The following WDFY2 variants were observed in gnomAD, a reference collection of about 807,000 sequenced individuals.
WDFY2 encodes WD repeat and FYVE domain-containing protein 2.
WDFY2 carries 36 observed loss-of-function variants against 56.4 expected under a neutral mutation model. The observed-to-expected ratio is 0.64, with a 90% CI of 0.49 to 0.84. WDFY2 has a LOEUF of 0.84. Ranked by LOEUF, WDFY2 falls within the 40% of genes least tolerant of loss-of-function variation. The probability of loss-of-function intolerance (pLI) is 0.00; values close to 1 mark genes in which losing one functional copy is unlikely to be tolerated. For missense variants in WDFY2, 444 were observed against 512.2 expected, an observed-to-expected ratio of 0.87 and a Z score of 1.29; for synonymous variants, 176 against 183.7, an observed-to-expected ratio of 0.96 and a Z score of 0.34.
chr13:51,687,770 C>G (rs971325984), intron 3 of WDFY2, among the ~76,000 whole-genome samples: 1 of 152,204 alleles, frequency 6.6e-6, no homozygotes, highest in Admixed American at 6.5e-5. Flanking sequence ...ATAAAATGAT[C>G]TGATCACTGA....
At chr13:51,610,240 G>T (rs1346127593) in intron 1 of WDFY2, among the ~76,000 whole-genome samples, 26 of 106,864 alleles carry the variant, frequency 2.4e-4, no homozygotes, top group Non-Finnish European at 3.6e-4. Flanking sequence ...TTATTTGACT[G>T]TTTTTTTTTT....
chr13:51,609,847 C>G (rs914211943), intron 1 of WDFY2, among the ~76,000 whole-genome samples: 4 of 151,980 alleles, frequency 2.6e-5, no homozygotes, highest in Non-Finnish European at 5.9e-5. Flanking sequence ...TAAATTGATT[C>G]TAAGGGAAGT....
At chr13:51,665,707 T>C (rs759519039) in intron 2 of WDFY2, among the ~76,000 whole-genome samples, 1 of 152,112 alleles carries the variant, frequency 6.6e-6, no homozygotes, top group Non-Finnish European at 1.5e-5. Flanking sequence ...ATCGATCAAC[T>C]TGGCTGCCAA....
Position 51,584,765 on chromosome 13 carries a change from G to A in WDFY2, c.78G>A (p.Val26=), listed in dbSNP as rs751406116. 3.1e-6 allele frequency: 5 copies of A among 1,613,846 alleles called. No individual in the cohort carries two copies. In the African/African-American group the frequency reaches 6.7e-5, roughly 22 times the overall value. Residue 26 remains valine (V), a synonymous_variant, in exon 1 of 12, where the codon GTG becomes GTA. Transcript: ENST00000298125. ...LLQRMEGSQE[V]VNMAVIVPKE... ...AGCGGATGGAGGGGTCCCAGGAGGTGGTGAATATGGCCGTGATCGTGCCCA... is the reference window on the plus strand; with the variant it reads ...AGCGGATGGAGGGGTCCCAGGAGGTAGTGAATATGGCCGTGATCGTGCCCA...
chr13:51,696,485 C>T (rs897585446), intron 3 of WDFY2, among the ~76,000 whole-genome samples: 10 of 151,902 alleles, frequency 6.6e-5, no homozygotes, highest in East Asian at 3.8e-4. Context: ...ATTTTGGTTC[C>T]GGCAAAGGAA....
At chr13:51,747,203 A>T (rs1170421875) in intron 7 of WDFY2, among the ~76,000 whole-genome samples, 1 of 152,286 alleles carries the variant, frequency 6.6e-6, no homozygotes, top group Non-Finnish European at 1.5e-5. Flanking sequence ...GAGATTTTGT[A>T]ACGTAAGGGT....
chr13:51,703,128 G>A (rs1325707748), intron 3 of WDFY2, among the ~76,000 whole-genome samples: 1 of 152,210 alleles, frequency 6.6e-6, no homozygotes, highest in African/African-American at 2.4e-5. Flanking sequence ...ATACAGGGAT[G>A]AGTAAGATGC....
At chr13:51,716,579 G>A (rs1426334604) in intron 4 of WDFY2, among the ~76,000 whole-genome samples, 4 of 148,892 alleles carry the variant, frequency 2.7e-5, no homozygotes, top group African/African-American at 9.8e-5. Context: ...TGTAGTCCCA[G>A]CTACTTGGGA....
intron 2 of WDFY2, among the ~76,000 whole-genome samples, chr13:51,661,998 T>A (rs1955623655): frequency 6.6e-6 from 1 of 151,850 alleles, no homozygotes; most frequent in Admixed American, 6.6e-5. Flanking sequence ...TGAGATGGAG[T>A]CTCCCTCTGT....
rs1245077768 is a variant in WDFY2 at position 51,765,867 on chromosome 13, CCTTTA to C, written c.*6100_*6104del. ...AAAAATAGATACCTCAAAATGTTTA[CCTTTA>C]CAAGTCAAGAAGAGTATCTGACTTT... On this transcript the variant is annotated 3_prime_UTR_variant, in exon 12 of 12. Transcript: ENST00000298125. 6.6e-6 allele frequency: 1 copy of C among 152,112 alleles called. No individual in the cohort carries two copies. 9.4% of individuals were successfully genotyped at this position (152,112 alleles called of 1,614,324 possible).
At chr13:51,704,177 C>T (rs1241754368) in intron 4 of WDFY2, among the ~76,000 whole-genome samples, 1 of 152,144 alleles carries the variant, frequency 6.6e-6, no homozygotes, top group Non-Finnish European at 1.5e-5. Flanking sequence ...GTCATTTCCT[C>T]CAATTCTCTT....
intron 3 of WDFY2, among the ~76,000 whole-genome samples, chr13:51,692,372 A>G (rs574092838): frequency 3.0e-4 from 46 of 152,304 alleles, no homozygotes; most frequent in African/African-American, 9.9e-4. Flanking sequence ...CGTCCCATCA[A>G]TACCTAATTT....
intron 1 of WDFY2, chr13:51,599,098 G>A: frequency 2.0e-5 from 3 of 152,318 alleles, no homozygotes; most frequent in Non-Finnish European, 4.4e-5. Context: ...TAGTAGAGGT[G>A]GGGTTTCACC....
chr13:51,719,179 C>G lies in WDFY2; in HGVS notation c.335-19C>G, dbSNP rs757028622. ...CTTAGGATGCTTTATAGGTTGTTTT[C>G]TTTTCTCTTGGTTTTCAGCGCATCA... On this transcript the variant is annotated intron_variant, in intron 4 of 11. Transcript: ENST00000298125. 208 of 1,614,060 alleles carry G rather than the reference C, an allele frequency of 1.3e-4. 1 individual carries two copies. In the Admixed American group the frequency reaches 1.4e-3, roughly 11 times the overall value.
intron 2 of WDFY2, among the ~76,000 whole-genome samples, chr13:51,661,651 CAA>C (rs1350187572): frequency 1.3e-5 from 2 of 152,092 alleles, no homozygotes; most frequent in Admixed American, 6.5e-5. Context: ...TGTTTATAAA[CAA>C]ATGATTATTA....
At chr13:51,676,976 C>T (rs1040214781) in intron 3 of WDFY2, among the ~76,000 whole-genome samples, 2 of 152,170 alleles carry the variant, frequency 1.3e-5, no homozygotes, top group Admixed American at 1.3e-4. Flanking sequence ...GTTTACATAA[C>T]ATAGGAGTGG....
chr13:51,681,185 T>C (rs7993739), intron 3 of WDFY2, among the ~76,000 whole-genome samples: 149,795 of 152,250 alleles, frequency 0.98, 73,734 homozygotes, highest in East Asian at 1. Flanking sequence ...TAGTTCACTC[T>C]GCTGGAGAGA....
chr13:51,585,820 A>G (rs1333870020), intron 1 of WDFY2, among the ~76,000 whole-genome samples: 2 of 152,324 alleles, frequency 1.3e-5, no homozygotes, highest in Admixed American at 1.3e-4. Context: ...TGGTGACTCA[A>G]AATTGAGAGG....
intron 3 of WDFY2, among the ~76,000 whole-genome samples, chr13:51,685,742 C>T (rs534665681): frequency 1.3e-4 from 20 of 152,190 alleles, no homozygotes; most frequent in Admixed American, 1.1e-3. Context: ...ATCCATGGTT[C>T]AAGGGTCAAT....
Sources: gnomAD v4.1 joint callset for allele counts (sites outside exome capture counted in the v4.1 genomes callset) on GRCh38, gnomAD v4.1.1 for gene constraint, MANE v1.5 for transcripts, NCBI Gene and HGNC (gene_info 2026-07-23, HGNC 2026-07-21) for gene names.